Variants in NT5E observed in about 807,000 individuals in gnomAD.
NT5E encodes the protein 5'-nucleotidase.
NT5E carries 53 observed loss-of-function variants against 55.1 expected under a neutral mutation model. The observed-to-expected ratio is 0.96, with a 90% CI of 0.77 to 1.21. The LOEUF is 1.21. NT5E is among the 50% of genes most tolerant of loss of function. The pLI, the probability that NT5E is intolerant of heterozygous loss-of-function variation, is 0.00. For synonymous variants in NT5E, 270 were observed against 278.4 expected, an observed-to-expected ratio of 0.97 and a Z score of 0.30; for missense variants, 683 against 724.3, an observed-to-expected ratio of 0.94 and a Z score of 0.65.
At chr6:85,457,976 TG>T (rs1769020395) in intron 1 of NT5E, among the ~76,000 whole-genome samples, 1 of 152,194 alleles carries the variant, frequency 6.6e-6, no homozygotes, top group Non-Finnish European at 1.5e-5. Context: ...GCTAAAGATC[TG>T]GTCTGTAGAA....
chr6:85,451,689 G>A (rs894876569), intron 1 of NT5E, among the ~76,000 whole-genome samples: 4 of 152,166 alleles, frequency 2.6e-5, no homozygotes, highest in African/African-American at 9.7e-5. Context: ...GAAGGGAAAG[G>A]GAAGTGTGAT....
Position 85,467,038 on chromosome 6 carries a change from TTC to T in NT5E, c.340-18_340-17del, listed in dbSNP as rs1325294620. On this transcript the variant is annotated intron_variant, in intron 1 of 8. Transcript: ENST00000257770. ...ATGTTTTTAAAGCACCTAATTCTTT[TTC>T]TCTTTTCTGTTTTATCTAGGCACTG... is the stretch of plus-strand genomic sequence containing the variant. 1 of 1,604,242 alleles carries T rather than the reference TTC, an allele frequency of 6.2e-7. No homozygotes were observed. Among genetic ancestry groups the T allele is most frequent in the African/African-American group, 1.3e-5 (1 of 74,666 alleles).
intron 1 of NT5E, among the ~76,000 whole-genome samples, chr6:85,462,490 A>C (rs1223705164): frequency 6.6e-6 from 1 of 152,000 alleles, no homozygotes; most frequent in Admixed American, 6.5e-5. Flanking sequence ...GACATCTTTG[A>C]GGTCTCTCCA....
At chr6:85,474,793 G>T (rs1169910632) in intron 3 of NT5E, among the ~76,000 whole-genome samples, 1 of 152,136 alleles carries the variant, frequency 6.6e-6, no homozygotes, top group Non-Finnish European at 1.5e-5. Context: ...AATTAGCCAA[G>T]TGTAGGGGCA....
At chr6:85,485,596 C>A (rs1317216535) in intron 4 of NT5E, among the ~76,000 whole-genome samples, 164 bp downstream of exon 4, 1 of 152,174 alleles carries the variant, frequency 6.6e-6, no homozygotes, top group Non-Finnish European at 1.5e-5. Context: ...AGATTTAAAA[C>A]ACACCCAAAT....
At chr6:85,464,304 T>A (rs1769148195) in intron 1 of NT5E, among the ~76,000 whole-genome samples, 1 of 152,122 alleles carries the variant, frequency 6.6e-6, no homozygotes. Context: ...AAATCAGATT[T>A]TCTGTACTCT....
chr6:85,487,204 C>T, intron 4 of NT5E, 131 bp from the exon 5 acceptor site: 1 of 901,780 alleles, frequency 1.1e-6, no homozygotes, highest in Non-Finnish European at 1.8e-6. Context: ...ATGGTCAAAA[C>T]CAAAATGCAC....
At chr6:85,478,026 CAA>C (rs11433942) in intron 3 of NT5E, among the ~76,000 whole-genome samples, 90 of 101,922 alleles carry the variant, frequency 8.8e-4, no homozygotes, top group Admixed American at 1.1e-3. Flanking sequence ...GACCTTGTCT[CAA>C]AAAAAAAAAA....
chr6:85,460,542 T>G (rs1166773596), intron 1 of NT5E, among the ~76,000 whole-genome samples: 1 of 152,222 alleles, frequency 6.6e-6, no homozygotes, highest in African/African-American at 2.4e-5. Flanking sequence ...TTATCACATT[T>G]TACCCACACA....
chr6:85,489,686 T>C (rs1769744111), intron 6 of NT5E, 87 bp downstream of exon 6: 3 of 915,630 alleles, frequency 3.3e-6, no homozygotes, highest in Non-Finnish European at 5.3e-6. Context: ...AACACACCCA[T>C]GTGCAGCCTC....
At chr6:85,478,214 A>G (rs1012498337) in intron 3 of NT5E, among the ~76,000 whole-genome samples, 1 of 152,202 alleles carries the variant, frequency 6.6e-6, no homozygotes, top group African/African-American at 2.4e-5. Context: ...TTGCAGCCAC[A>G]TAACACTGAT....
chr6:85,470,061 T>C (rs1769272778), intron 2 of NT5E, among the ~76,000 whole-genome samples: 1 of 152,222 alleles, frequency 6.6e-6, no homozygotes, highest in Non-Finnish European at 1.5e-5. Flanking sequence ...TTCCCTTGTT[T>C]AGTGTTAGTT....
intron 3 of NT5E, among the ~76,000 whole-genome samples, chr6:85,478,187 C>T (rs1769474204): frequency 6.6e-6 from 1 of 152,172 alleles, no homozygotes; most frequent in South Asian, 2.1e-4. Context: ...AAGCCAGAGC[C>T]TTCTGGTTTG....
At chr6:85,486,674 C>T (rs925148794) in intron 4 of NT5E, among the ~76,000 whole-genome samples, 1 of 152,180 alleles carries the variant, frequency 6.6e-6, no homozygotes, top group Non-Finnish European at 1.5e-5. Flanking sequence ...GGCAGTCCAA[C>T]CTGGCATTGT....
At chr6:85,489,775 T>C (rs1040209789) in intron 6 of NT5E, among the ~76,000 whole-genome samples, 176 bp downstream of exon 6, 7 of 152,148 alleles carry the variant, frequency 4.6e-5, no homozygotes, top group African/African-American at 1.7e-4. Context: ...GTCTAAAACC[T>C]AGCCTGAAGG....
At chr6:85,489,674 T>A in intron 6 of NT5E, 75 bp downstream of exon 6, 1 of 1,055,080 alleles carries the variant, frequency 9.5e-7, no homozygotes, top group Non-Finnish European at 1.5e-6. Flanking sequence ...GTTCTTGCCC[T>A]GAACACACCC....
chr6:85,455,824 C>T (rs9344529), intron 1 of NT5E, among the ~76,000 whole-genome samples: 26,086 of 152,108 alleles, frequency 0.17, 2,549 homozygotes, highest in African/African-American at 0.26. Flanking sequence ...TTCTGGAGTA[C>T]TGTTTGGTGT....
rs1169685596 is a variant in NT5E at position 85,450,947 on chromosome 6, G to A, written c.339+469G>A. Among the ~76,000 whole-genome samples the A allele has an allele frequency of 6.6e-6, 1 of 152,212 alleles. No individual in the cohort carries two copies. Among genetic ancestry groups the A allele is most frequent in the African/African-American group, 2.4e-5 (1 of 41,460 alleles). On this transcript the variant is annotated intron_variant, in intron 1 of 8. Transcript: ENST00000257770. This position sits in a 1 kb window ranked among gnomAD's most constrained non-coding sequence, Gnocchi z 4.0. ...AACAGGCACCATCCCCGCAAAAAGG[G>A]AGACGTGATAAGAATGGACACCAGA...
At chr6:85,454,814 C>T (rs1318800356) in intron 1 of NT5E, among the ~76,000 whole-genome samples, 1 of 152,222 alleles carries the variant, frequency 6.6e-6, no homozygotes, top group Non-Finnish European at 1.5e-5. Flanking sequence ...AATCTACAAT[C>T]TGTGGCTATG....
Sources: gnomAD v4.1 joint callset for allele counts (sites outside exome capture counted in the v4.1 genomes callset) on GRCh38, gnomAD v4.1.1 for gene constraint, Gnocchi (gnomAD v3.1) non-coding constraint, MANE v1.5 for transcripts, NCBI Gene and HGNC (gene_info 2026-07-23, HGNC 2026-07-21) for gene names.